Variants in STK3 observed in about 807,000 individuals in gnomAD.
STK3 encodes the protein serine/threonine kinase 3.
STK3 carries 41 observed loss-of-function variants against 58.0 expected under a neutral mutation model. That is an observed-to-expected ratio of 0.71 (90% CI 0.55 to 0.92). STK3 has a LOEUF of 0.92. Among genes scored for constraint, STK3 ranks in the 40% least tolerant of loss-of-function variants. The pLI is 0.00. For missense variants in STK3, 479 were observed against 602.7 expected (o/e 0.79, Z 2.15); for synonymous variants, 170 against 191.0 (o/e 0.89, Z 0.91).
intron 10 of STK3, among the ~76,000 whole-genome samples, chr8:98,466,322 A>T (rs1397592467): frequency 6.6e-6 from 1 of 152,218 alleles, no homozygotes; most frequent in Non-Finnish European, 1.5e-5. Context: ...ATATAAACTT[A>T]AAGTAATTTA....
At chr8:98,809,081 C>G (rs966058184) in intron 1 of STK3, among the ~76,000 whole-genome samples, 1 of 152,194 alleles carries the variant, frequency 6.6e-6, no homozygotes, top group Non-Finnish European at 1.5e-5. Context: ...AGTGATGCAC[C>G]CCAACTCCAT....
At chr8:98,553,208 AG>A (rs1291189666) in intron 8 of STK3, 5 of 152,166 alleles carry the variant, frequency 3.3e-5, no homozygotes, top group African/African-American at 1.2e-4. Context: ...AACTACACTC[AG>A]ACACATTCCT....
At chr8:98,927,377 T>G (rs1453449248) in intron 1 of STK3, among the ~76,000 whole-genome samples, 4 of 152,182 alleles carry the variant, frequency 2.6e-5, no homozygotes, top group Non-Finnish European at 4.4e-5. Context: ...TGGGACTATG[T>G]CTCAGATCTG....
intron 8 of STK3, among the ~76,000 whole-genome samples, chr8:98,550,155 G>A (rs1811047234): frequency 6.6e-6 from 1 of 151,786 alleles, no homozygotes; most frequent in African/African-American, 2.4e-5. Flanking sequence ...GAACATCAAT[G>A]TTGAGTTTCA....
intron 6 of STK3, among the ~76,000 whole-genome samples, chr8:98,676,836 T>C (rs1460600492): frequency 6.6e-6 from 1 of 152,194 alleles, no homozygotes; most frequent in South Asian, 2.1e-4. Context: ...TTTCAGTAAT[T>C]AGCTTCACTC....
intron 10 of STK3, among the ~76,000 whole-genome samples, chr8:98,490,276 A>T (rs1322697942): frequency 6.6e-6 from 1 of 152,212 alleles, no homozygotes; most frequent in Non-Finnish European, 1.5e-5. Context: ...AATAATGCTC[A>T]TAAGTGTTAG....
chr8:98,718,262 T>C (rs760468769), intron 4 of STK3, among the ~76,000 whole-genome samples: 1 of 152,152 alleles, frequency 6.6e-6, no homozygotes, highest in Non-Finnish European at 1.5e-5. Context: ...GGGAAATGCC[T>C]TGATTCAAGA....
chr8:98,403,927 T>A (rs1057248267), intron 3 of STK3, among the ~76,000 whole-genome samples: 6 of 152,240 alleles, frequency 3.9e-5, no homozygotes, highest in Non-Finnish European at 8.8e-5. Flanking sequence ...TGGGGATATA[T>A]GCAGATTTTG....
At chr8:98,352,155 A>G in the STK3 span, among the ~76,000 whole-genome samples, 1 of 148,508 alleles carries the variant, frequency 6.7e-6, no homozygotes, top group African/African-American at 2.5e-5. Context: ...AAAAAAAAAA[A>G]GAGACTACTG....
intron 6 of STK3, among the ~76,000 whole-genome samples, chr8:98,620,821 A>C (rs1287216222): frequency 6.6e-6 from 1 of 152,162 alleles, no homozygotes; most frequent in Non-Finnish European, 1.5e-5. Context: ...AAGAGTAGTA[A>C]AGTTTCTAAA....
chr8:98,663,511 C>G (rs951104158), intron 6 of STK3, among the ~76,000 whole-genome samples: 1 of 152,142 alleles, frequency 6.6e-6, no homozygotes, highest in Non-Finnish European at 1.5e-5. Context: ...CCCAGCCATC[C>G]CATTGCTGGG....
chr8:98,935,209 G>A (rs1193545854), intron 1 of STK3, among the ~76,000 whole-genome samples: 2 of 152,224 alleles, frequency 1.3e-5, no homozygotes, highest in Non-Finnish European at 2.9e-5. Flanking sequence ...CCTTCTTGCT[G>A]TGGGTCAGAA....
At chr8:98,571,036 A>G (rs1438554873) in intron 8 of STK3, among the ~76,000 whole-genome samples, 1 of 152,202 alleles carries the variant, frequency 6.6e-6, no homozygotes, top group East Asian at 1.9e-4. Context: ...GGTTCTCAAA[A>G]GGTAGACTTT....
intron 1 of STK3, among the ~76,000 whole-genome samples, chr8:98,821,655 C>A: frequency 7.1e-6 from 1 of 141,330 alleles, no homozygotes; most frequent in Non-Finnish European, 1.5e-5. Context: ...GAGTAAGACC[C>A]AATCTCAAAA....
At position 98,548,097 on chromosome 8, in the gene STK3, C is replaced by T. The variant is rs200907713; in HGVS notation, c.1013G>A (p.Arg338Gln). The T allele has an allele frequency of 1.4e-5, 23 of 1,608,394 alleles. No homozygotes were observed. The highest frequency in any genetic ancestry group is 1.7e-4 in the Middle Eastern group (1 of 6,040). Residue 338 changes from arginine (R) to glutamine (Q), a missense_variant, in exon 9 of 11, where the codon CGG becomes CAG. By Grantham distance (43) the Arg-to-Gln change is conservative (BLOSUM62 1). This residue lies in a region of STK3 where 309 missense variants were observed against 355.7 expected (regional missense o/e 0.87). Transcript: ENST00000419617. ...CCCTTCACTCATCGTGCTTGTGGCC[C>T]GCATGGTGCCCACACTCTCCACACT... ...KTSVESVGTM[R>Q]ATSTMSEGAQ... is the part of the protein sequence containing the mutation.
In STK3 at chr8:98,491,162, C is replaced by CGAGAGAGA. The variant is rs61704241; in HGVS notation, c.1318-35170_1318-35163dup. Among the ~76,000 whole-genome samples the CGAGAGAGA allele has an allele frequency of 2.2e-3, 312 of 142,938 alleles. 1 individual carries two copies. The highest frequency in any genetic ancestry group is 3.6e-3 in the African/African-American group (136 of 38,226). 93.8% of individuals were successfully genotyped at this position (142,938 alleles called of 152,430 possible). On this transcript the variant is annotated intron_variant, in intron 10 of 10. Transcript: ENST00000419617. Reference sequence around the variant, plus strand: ...TTTTCTTGCTTACACAAAATAAACACGAGAGAGAGAGAGAGAGAGAGAGAG... The same window carrying CGAGAGAGA: ...TTTTCTTGCTTACACAAAATAAACACGAGAGAGAGAGAGAGAGAGAGAGAGAGAGAGAG...
intron 1 of STK3, among the ~76,000 whole-genome samples, chr8:98,801,018 A>G (rs1438048660): frequency 6.6e-6 from 1 of 152,254 alleles, no homozygotes; most frequent in Non-Finnish European, 1.5e-5. Flanking sequence ...TGGCCCTGGC[A>G]TGGGATTCAC....
intron 7 of STK3, among the ~76,000 whole-genome samples, chr8:98,589,813 T>C (rs1245375695): frequency 6.6e-6 from 1 of 152,240 alleles, no homozygotes; most frequent in Non-Finnish European, 1.5e-5. Context: ...CACCATTTTT[T>C]AAGCCCGTCG....
the STK3 span, among the ~76,000 whole-genome samples, chr8:98,347,918 A>G: frequency 6.6e-6 from 1 of 152,336 alleles, no homozygotes; most frequent in Admixed American, 6.5e-5. Flanking sequence ...CAGAGATTCT[A>G]AAGTTTATAT....
Sources: allele counts gnomAD v4.1 joint callset (sites outside exome capture counted in the v4.1 genomes callset), GRCh38; gene constraint gnomAD v4.1.1; regional missense constraint gnomAD v4.1.1; transcripts MANE v1.5; gene names NCBI Gene and HGNC (gene_info 2026-07-23, HGNC 2026-07-21).